The following MYO16 variants were observed in gnomAD, a reference collection of about 807,000 sequenced individuals.
MYO16 encodes unconventional myosin-XVI.
Under a neutral mutation model 205.3 loss-of-function variants are expected in MYO16, and 94 were observed. That is an observed-to-expected ratio of 0.46 (90% CI 0.39 to 0.54). The LOEUF is 0.54. Among genes scored for constraint, MYO16 ranks in the 20% least tolerant of loss-of-function variants. The probability of loss-of-function intolerance (pLI) is 0.00; values close to 1 mark genes in which losing one functional copy is unlikely to be tolerated. For missense variants in MYO16, 2,315 were observed against 2,387.5 expected, an observed-to-expected ratio of 0.97 and a Z score of 0.63; for synonymous variants, 988 against 954.0, an observed-to-expected ratio of 1.04 and a Z score of -0.66.
chr13:108,965,083 C>T (rs1883739689), intron 20 of MYO16, among the ~76,000 whole-genome samples, 181 bp downstream of exon 20: 1 of 152,028 alleles, frequency 6.6e-6, no homozygotes, highest in South Asian at 2.1e-4. Flanking sequence ...GGAAGTGAAA[C>T]CCTCTCCCTG....
chr13:108,817,315 G>A (rs1421587083), intron 7 of MYO16, among the ~76,000 whole-genome samples: 1 of 152,210 alleles, frequency 6.6e-6, no homozygotes, highest in East Asian at 1.9e-4. Context: ...ATATTGTAAT[G>A]TAGTTGTACA....
At chr13:108,968,040 C>G (rs560097657) in intron 20 of MYO16, among the ~76,000 whole-genome samples, 2 of 152,284 alleles carry the variant, frequency 1.3e-5, no homozygotes, top group South Asian at 4.1e-4. Flanking sequence ...ATGCGAATGT[C>G]ATTATTACAA....
chr13:108,627,296 T>C (rs140401945), upstream of MYO16, among the ~76,000 whole-genome samples: 5 of 152,278 alleles, frequency 3.3e-5, no homozygotes, highest in Non-Finnish European at 5.9e-5. Context: ...CTGGGGAAAT[T>C]ATATGTAGAT....
chr13:108,688,898 C>A (rs992365489), intron 2 of MYO16, among the ~76,000 whole-genome samples: 1 of 152,126 alleles, frequency 6.6e-6, no homozygotes, highest in African/African-American at 2.4e-5. Context: ...CTTTGAGCCT[C>A]GGTTTCCTTA....
At chr13:109,150,850 GAA>G (rs1361782086) in intron 32 of MYO16, among the ~76,000 whole-genome samples, 3 of 152,222 alleles carry the variant, frequency 2.0e-5, no homozygotes, top group Admixed American at 6.5e-5. Flanking sequence ...GCTCTAAAGA[GAA>G]ATCCAGCCCT....
chr13:109,128,337 A>G (rs990115359), intron 31 of MYO16, among the ~76,000 whole-genome samples: 1 of 152,228 alleles, frequency 6.6e-6, no homozygotes, highest in Non-Finnish European at 1.5e-5. Flanking sequence ...CTGCTGAGAG[A>G]AATACATAGA....
chr13:108,520,615 C>T, the MYO16 span, among the ~76,000 whole-genome samples: 1 of 147,094 alleles, frequency 6.8e-6, no homozygotes, highest in African/African-American at 2.6e-5. Context: ...AATCTATTGA[C>T]AATCCGATAC....
At chr13:108,758,846 C>T (rs529353316) in intron 4 of MYO16, among the ~76,000 whole-genome samples, 2 of 152,248 alleles carry the variant, frequency 1.3e-5, no homozygotes, top group South Asian at 2.1e-4. Context: ...CGGAAAAATA[C>T]GTGATACAGA....
chr13:108,645,780 C>T (rs1052407183), intron 1 of MYO16, among the ~76,000 whole-genome samples: 2 of 152,164 alleles, frequency 1.3e-5, no homozygotes. Context: ...CCCAACACTG[C>T]CTATCCCACC....
intron 32 of MYO16, among the ~76,000 whole-genome samples, chr13:109,154,149 C>G (rs944953707): frequency 2.0e-5 from 3 of 152,214 alleles, no homozygotes; most frequent in Admixed American, 2.0e-4. Context: ...TTTTCAAGGC[C>G]TCCGAGCTCC....
Position 109,138,471 on chromosome 13 carries a change from G to A in MYO16, c.4052-1793G>A, listed in dbSNP as rs1876880662. On this transcript the variant is annotated intron_variant, in intron 31 of 34. Coordinates refer to ENST00000457511, the MANE Select transcript of MYO16 (RefSeq NM_001198950.3). ...AAAGCATTAGAAAAAGAAGTCTTGT[G>A]GAATTTCTTTTTTGACTTAATTTTC... Among the ~76,000 whole-genome samples, 4 of 152,140 alleles carry A rather than the reference G, an allele frequency of 2.6e-5. No individual in the cohort carries two copies. The South Asian group carries it at 8.3e-4, about 32-fold the overall frequency.
intron 16 of MYO16, among the ~76,000 whole-genome samples, chr13:108,936,182 T>C (rs1882484982): frequency 1.3e-5 from 2 of 151,694 alleles, no homozygotes; most frequent in South Asian, 4.2e-4. Flanking sequence ...TCTTTCTTTC[T>C]TTCTAAAATT....
chr13:108,739,555 T>C (rs980418512), intron 4 of MYO16, among the ~76,000 whole-genome samples: 1 of 152,216 alleles, frequency 6.6e-6, no homozygotes, highest in African/African-American at 2.4e-5. Flanking sequence ...CCTTTCTCTC[T>C]GGCTGCCCTT....
At chr13:108,886,148 C>T (rs1255243502) in intron 13 of MYO16, among the ~76,000 whole-genome samples, 1 of 152,006 alleles carries the variant, frequency 6.6e-6, no homozygotes, top group Non-Finnish European at 1.5e-5. Context: ...CCATCACGCC[C>T]GGCTAATTTT....
chr13:108,507,900 T>C, the MYO16 span, among the ~76,000 whole-genome samples: 2 of 152,122 alleles, frequency 1.3e-5, no homozygotes, highest in Non-Finnish European at 2.9e-5. Flanking sequence ...TCAGCATTTT[T>C]TTTTCTTTTG....
At chr13:108,595,278 C>T (rs867350534), upstream of MYO16, among the ~76,000 whole-genome samples, 1 of 152,048 alleles carries the variant, frequency 6.6e-6, no homozygotes, top group African/African-American at 2.4e-5. Context: ...AGTTTTGCTC[C>T]AGTTGTCTTA....
chr13:108,908,852 G>A (rs1444671741), intron 15 of MYO16, among the ~76,000 whole-genome samples: 1 of 151,642 alleles, frequency 6.6e-6, no homozygotes, highest in African/African-American at 2.4e-5. Flanking sequence ...ACACACCTGT[G>A]GTCCCAGCTA....
chr13:109,146,542 G>C (rs1877339472), intron 32 of MYO16, among the ~76,000 whole-genome samples: 1 of 151,912 alleles, frequency 6.6e-6, no homozygotes, highest in Admixed American at 6.6e-5. Context: ...AAGCCCTTTG[G>C]GAGGTTGAGG....
chr13:108,569,718 G>A, the MYO16 span, among the ~76,000 whole-genome samples: 1 of 152,048 alleles, frequency 6.6e-6, no homozygotes, highest in African/African-American at 2.4e-5. Flanking sequence ...TCCTTATCTT[G>A]TTCTGATTTT....
Sources: gnomAD v4.1 joint callset for allele counts (sites outside exome capture counted in the v4.1 genomes callset) on GRCh38, gnomAD v4.1.1 for gene constraint, MANE v1.5 for transcripts, NCBI Gene and HGNC (gene_info 2026-07-23, HGNC 2026-07-21) for gene names.